EXT1: variants seen among roughly 807,000 people sequenced by gnomAD.
EXT1 encodes the protein exostosin glycosyltransferase 1, also known as exostosin-1.
Under a neutral mutation model 82.5 loss-of-function variants are expected in EXT1, and 20 were observed. That is an observed-to-expected ratio of 0.24 (90% confidence interval 0.17 to 0.35). EXT1 has a LOEUF of 0.35. EXT1 is among the 10% of genes least tolerant of loss of function. EXT1 has a pLI of 1.00. For missense variants in EXT1, 757 were observed against 936.5 expected (o/e 0.81, Z 2.50); for synonymous variants, 348 against 350.8 (o/e 0.99, Z 0.09).
chr8:117,874,941 A>G (rs1812940777), intron 1 of EXT1, among the ~76,000 whole-genome samples: 1 of 152,196 alleles, frequency 6.6e-6, no homozygotes, highest in African/African-American at 2.4e-5. Flanking sequence ...TCTCCTTTCT[A>G]CACATATAAG....
intron 1 of EXT1, among the ~76,000 whole-genome samples, chr8:118,098,889 A>G (rs1323861856): frequency 6.6e-6 from 1 of 152,254 alleles, no homozygotes; most frequent in African/African-American, 2.4e-5. Context: ...AACAAGTAGC[A>G]GAAATCAAAT....
chr8:117,879,722 T>C (rs1179211015), intron 1 of EXT1, among the ~76,000 whole-genome samples: 1 of 152,172 alleles, frequency 6.6e-6, no homozygotes, highest in East Asian at 1.9e-4. Context: ...TTAAGGAGTA[T>C]TTTATGCATT....
intron 1 of EXT1, among the ~76,000 whole-genome samples, chr8:117,838,147 G>A (rs1812217366): frequency 6.6e-6 from 1 of 152,112 alleles, no homozygotes; most frequent in South Asian, 2.1e-4. Flanking sequence ...AGTAGAGATG[G>A]CTCATGTCCT....
At chr8:118,046,066 G>A (rs1816617464) in intron 1 of EXT1, among the ~76,000 whole-genome samples, 1 of 151,758 alleles carries the variant, frequency 6.6e-6, no homozygotes, top group African/African-American at 2.4e-5. Context: ...AAAGTGCTGG[G>A]ATTGCAGGCA....
rs17431429 is a variant in EXT1, at chr8:118,026,215, A to G, written c.962+83870T>C. Among the ~76,000 whole-genome samples, 987 of 152,270 alleles carry G rather than the reference A, an allele frequency of 6.5e-3. 5 individuals carry two copies. The highest frequency in any genetic ancestry group is 0.018 in the South Asian group (85 of 4,818). On this transcript the variant is annotated intron_variant, in intron 1 of 10. Coordinates refer to ENST00000378204, the MANE Select transcript of EXT1 (RefSeq NM_000127.3). ...TGAGCCAGTCATCTAGCTCACAAAT[A>G]ATGACATCACTCCTCTGTCCACAAT...
At position 117,999,819 on chromosome 8, in the gene EXT1, C is replaced by A. The variant is rs184633684; in HGVS notation, c.962+110266G>T. On this transcript the variant is annotated intron_variant, in intron 1 of 10. Transcript: ENST00000378204. ...TTACACCTAGAAAGAAAGAAAGATT[C>A]TTTAAAAACTTAGGAAAATCATTTT... is the stretch of plus-strand genomic sequence containing the variant. 3.5e-3 allele frequency among the ~76,000 whole-genome samples: 529 copies of A among 152,178 alleles called. 1 individual carries two copies. The highest frequency in any genetic ancestry group is 8.3e-3 in the South Asian group (40 of 4,824).
At chr8:117,925,322 T>C (rs939191938) in intron 1 of EXT1, among the ~76,000 whole-genome samples, 35 of 148,692 alleles carry the variant, frequency 2.4e-4, no homozygotes, top group African/African-American at 7.4e-4. Context: ...GGCACACACA[T>C]AATTGTTGAA....
rs367661441 is a variant in EXT1 at position 117,837,731 on chromosome 8, C to T, written c.963-530G>A. Among the ~76,000 whole-genome samples the T allele has an allele frequency of 3.8e-4, 57 of 151,954 alleles. 1 individual carries two copies. The South Asian group carries it at 0.01, about 28-fold the overall frequency. On this transcript the variant is annotated intron_variant, in intron 1 of 10. Transcript: ENST00000378204. ...TGGAGTTTCTACACTTAACCAAGAA[C>T]GTTCAGTTACCCAGGAAAAATATTC...
At chr8:118,077,401 A>G (rs1275073385) in intron 1 of EXT1, among the ~76,000 whole-genome samples, 1 of 152,218 alleles carries the variant, frequency 6.6e-6, no homozygotes, top group South Asian at 2.1e-4. Context: ...GTATTTCCAC[A>G]GTTATTGCAC....
chr8:117,828,352 C>A (rs1812041374), intron 4 of EXT1, among the ~76,000 whole-genome samples: 3 of 152,082 alleles, frequency 2.0e-5, no homozygotes, highest in Non-Finnish European at 4.4e-5. Flanking sequence ...GAGTTCAAGA[C>A]CACTCTGGGC....
At chr8:117,984,537 G>C (rs1815275489) in intron 1 of EXT1, among the ~76,000 whole-genome samples, 1 of 152,018 alleles carries the variant, frequency 6.6e-6, no homozygotes, top group South Asian at 2.1e-4. Context: ...AAAAGGGGAA[G>C]ATACCTTGGG....
chr8:117,873,594 T>C (rs1812914519), intron 1 of EXT1, among the ~76,000 whole-genome samples: 1 of 151,912 alleles, frequency 6.6e-6, no homozygotes, highest in South Asian at 2.1e-4. Flanking sequence ...TAGCTAGGAT[T>C]ACAGGTGCAT....
chr8:117,981,069 C>T (rs1231286743), intron 1 of EXT1, among the ~76,000 whole-genome samples: 2 of 152,174 alleles, frequency 1.3e-5, no homozygotes, highest in Non-Finnish European at 2.9e-5. Context: ...TGTAAAGATG[C>T]TTTGCACAAG....
chr8:117,851,378 C>CAAA (rs138600020), intron 1 of EXT1, among the ~76,000 whole-genome samples: 2 of 141,068 alleles, frequency 1.4e-5, no homozygotes, highest in Admixed American at 7.0e-5. Context: ...TTTAAAAAGA[C>CAAA]AAAAAAAAAA....
Position 117,856,269 on chromosome 8 carries a change from T to TGCG in EXT1, c.963-19069_963-19068insCGC, listed in dbSNP as rs1403821936. Among the ~76,000 whole-genome samples the TGCG allele has an allele frequency of 2.5e-4, 36 of 146,518 alleles. 1 individual carries two copies. The highest frequency in any genetic ancestry group is 1.4e-3 in the East Asian group (7 of 4,932). ...GGCTTTTTCTTTTTTTTTTTTTTTG[T>TGCG]GGGGGGACGGAGTCTCGCTCTGTTG... On this transcript the variant is annotated intron_variant, in intron 1 of 10. Coordinates refer to ENST00000378204, the MANE Select transcript of EXT1 (RefSeq NM_000127.3).
chr8:118,043,059 G>C (rs1318433280), intron 1 of EXT1, among the ~76,000 whole-genome samples: 1 of 152,130 alleles, frequency 6.6e-6, no homozygotes, highest in Non-Finnish European at 1.5e-5. Context: ...CCATCCTAGG[G>C]AGGAAATGTT....
chr8:117,901,959 A>G (rs910745687), intron 1 of EXT1, among the ~76,000 whole-genome samples: 9 of 151,878 alleles, frequency 5.9e-5, no homozygotes, highest in African/African-American at 2.2e-4. Context: ...TGGCCTCTCA[A>G]AGTGCTGGGA....
In EXT1 at chr8:118,110,108, G is replaced by A. The variant is rs1246882718; in HGVS notation, c.939C>T (p.Asp313=). The change falls in exon 1 of 11, where the codon GAC becomes GAT. Residue 313 remains aspartate (D), a synonymous_variant. Coordinates refer to ENST00000378204, the MANE Select transcript of EXT1 (RefSeq NM_000127.3). The part of the protein sequence containing the change: ...DWQKHKDSRC[D]RDNTEYEKYD... Reference sequence around the variant, plus strand: ...ACTTCTCATACTCGGTGTTGTCTCTGTCACAGCGAGAATCCTTGTGCTTTT... The same window carrying A: ...ACTTCTCATACTCGGTGTTGTCTCTATCACAGCGAGAATCCTTGTGCTTTT... 6.2e-7 allele frequency: 1 copy of A among 1,614,196 alleles called. No homozygotes were observed. The highest frequency in any genetic ancestry group is 8.5e-7 in the Non-Finnish European group (1 of 1,180,046).
intron 1 of EXT1, among the ~76,000 whole-genome samples, chr8:118,083,073 A>T (rs972880460): frequency 1.3e-5 from 2 of 152,208 alleles, no homozygotes; most frequent in African/African-American, 4.8e-5. Flanking sequence ...ACCAATTGAC[A>T]GTTAAACTGG....
Sources: gnomAD v4.1 joint callset for allele counts (sites outside exome capture counted in the v4.1 genomes callset) on GRCh38, gnomAD v4.1.1 for gene constraint, MANE v1.5 for transcripts, NCBI Gene and HGNC (gene_info 2026-07-23, HGNC 2026-07-21) for gene names.